The following ACSL3 variants were observed in gnomAD, a reference collection of about 807,000 sequenced individuals.
ACSL3 encodes fatty acid CoA ligase Acsl3.
Under a neutral mutation model 84.7 loss-of-function variants are expected in ACSL3, and 34 were observed. That is an observed-to-expected ratio of 0.40 (90% CI 0.31 to 0.53). The LOEUF (loss-of-function observed/expected upper bound fraction) is 0.53. Ranked by LOEUF, ACSL3 falls within the 20% of genes least tolerant of loss-of-function variation. The pLI, the probability that ACSL3 is intolerant of heterozygous loss-of-function variation, is 0.48. For missense variants in ACSL3, 680 were observed against 873.1 expected, an observed-to-expected ratio of 0.78 and a Z score of 2.79; for synonymous variants, 315 against 299.4, an observed-to-expected ratio of 1.05 and a Z score of -0.54.
chr2:222,901,218 A>G (rs910061385), intron 3 of ACSL3, among the ~76,000 whole-genome samples: 4 of 152,244 alleles, frequency 2.6e-5, no homozygotes, highest in East Asian at 1.9e-4. Flanking sequence ...CCTTTAGGTT[A>G]TATGATCAAT....
chr2:222,901,771 C>A (rs1349594680), intron 3 of ACSL3, among the ~76,000 whole-genome samples: 1 of 151,812 alleles, frequency 6.6e-6, no homozygotes, highest in Non-Finnish European at 1.5e-5. Flanking sequence ...ATGGTGAAAC[C>A]CCATCTTTAC....
chr2:222,924,622 T>G, intron 11 of ACSL3, 27 bp downstream of exon 11: 1 of 1,560,542 alleles, frequency 6.4e-7, no homozygotes, highest in Non-Finnish European at 8.7e-7. Flanking sequence ...TACCTCCTTC[T>G]TTCTCCTCTT....
At chr2:222,867,937 G>T (rs953760108) in intron 1 of ACSL3, among the ~76,000 whole-genome samples, 18 of 149,394 alleles carry the variant, frequency 1.2e-4, no homozygotes, top group Admixed American at 2.0e-4. Context: ...ACTTTTCCTC[G>T]AAGGCTCTTT....
At chr2:222,892,571 A>G (rs527920590) in intron 2 of ACSL3, among the ~76,000 whole-genome samples, 17 of 152,160 alleles carry the variant, frequency 1.1e-4, no homozygotes, top group Non-Finnish European at 2.4e-4. Flanking sequence ...TGCGTCATTC[A>G]TCTGGGACTC....
chr2:222,896,120 A>C (rs1430169546), intron 2 of ACSL3, among the ~76,000 whole-genome samples: 3 of 6,594 alleles, frequency 4.5e-4, no homozygotes, highest in African/African-American at 1.6e-3. Context: ...TGACCCCCCC[A>C]CCTCCCTCCC....
chr2:222,866,959 C>T (rs989406417), intron 1 of ACSL3, among the ~76,000 whole-genome samples: 1 of 151,574 alleles, frequency 6.6e-6, no homozygotes, highest in Admixed American at 6.6e-5. Flanking sequence ...CGCAGCCTCC[C>T]GAGGAGCTGG....
intron 3 of ACSL3, among the ~76,000 whole-genome samples, chr2:222,904,057 C>T (rs1696228995): frequency 6.6e-6 from 1 of 152,130 alleles, no homozygotes; most frequent in African/African-American, 2.4e-5. Flanking sequence ...GGCGGATCAC[C>T]TGAGGTCAGG....
At chr2:222,909,921 TG>T (rs11357504) in intron 4 of ACSL3, among the ~76,000 whole-genome samples, 76,402 of 151,940 alleles carry the variant, frequency 0.5, 19,740 homozygotes, top group East Asian at 0.76. Flanking sequence ...CACAGATAGT[TG>T]AGGTAACCTA....
Position 222,918,072 on chromosome 2 carries a change from G to A in ACSL3, c.583G>A (p.Gly195Ser). 1 of 1,611,796 alleles carries A rather than the reference G, an allele frequency of 6.2e-7. No homozygotes were observed. Among genetic ancestry groups the A allele is most frequent in the South Asian group, 1.1e-5 (1 of 90,812 alleles). Residue 195 changes from glycine to serine, a missense_variant, in exon 6 of 17, where the codon GGT (glycine) becomes AGT (serine). Transcript: ENST00000357430. Reference protein sequence around the residue: ...QLVTLYATLGGPAIVHALNET... With the variant: ...QLVTLYATLGSPAIVHALNET... The stretch of plus-strand genomic sequence containing the variant: ...TGTTACATTATATGCCACTCTAGGA[G>A]GTCCAGCCATTGTTCATGCATTAAA...
chr2:222,935,951 T>G (rs1697159509), intron 16 of ACSL3, among the ~76,000 whole-genome samples: 1 of 152,192 alleles, frequency 6.6e-6, no homozygotes, highest in African/African-American at 2.4e-5. Context: ...TCCCTCCACC[T>G]TTTTACTTTA....
chr2:222,878,114 C>G (rs965624879), intron 1 of ACSL3, among the ~76,000 whole-genome samples: 6 of 152,164 alleles, frequency 3.9e-5, no homozygotes, highest in African/African-American at 1.4e-4. Flanking sequence ...ATGAATCAGT[C>G]TCTGCATCCC....
At chr2:222,933,954 G>A (rs961872199) in intron 15 of ACSL3, among the ~76,000 whole-genome samples, 2 of 152,174 alleles carry the variant, frequency 1.3e-5, no homozygotes, top group Admixed American at 6.5e-5. Flanking sequence ...TGATGATACA[G>A]ATCTGGATTT....
intron 3 of ACSL3, among the ~76,000 whole-genome samples, chr2:222,905,903 T>C (rs748943260): frequency 6.6e-6 from 1 of 152,160 alleles, no homozygotes; most frequent in Non-Finnish European, 1.5e-5. Flanking sequence ...ATTCAGTCTT[T>C]TAGTTCTTTG....
At chr2:222,875,508 C>T (rs1695423607) in intron 1 of ACSL3, among the ~76,000 whole-genome samples, 1 of 152,136 alleles carries the variant, frequency 6.6e-6, no homozygotes, top group South Asian at 2.1e-4. Context: ...ATATCCCATT[C>T]TGTATTCCTT....
rs1387779905 is a variant in ACSL3 at position 222,861,060 on chromosome 2, C to G, written c.-405C>G. On this transcript the variant is annotated 5_prime_UTR_variant, in exon 1 of 17. Coordinates refer to ENST00000357430, the MANE Select transcript of ACSL3 (RefSeq NM_004457.5). ...CAGACGCTGCTGTGGCTGCGCCGGG[C>G]TGCGACACTGCAGTTGTCTACGCGG... The G allele has an allele frequency of 6.6e-6, 1 of 152,328 alleles. No individual in the cohort carries two copies. Among genetic ancestry groups the G allele is most frequent in the Admixed American group, 6.5e-5 (1 of 15,292 alleles). 9.4% of individuals were successfully genotyped at this position (152,328 alleles called of 1,614,324 possible). A position where few individuals can be genotyped will look rare whatever the true frequency, so the allele number is the denominator to read the frequency against.
chr2:222,921,296 C>A lies in ACSL3; in HGVS notation c.822C>A (p.Ser274Arg). 1 of 1,595,080 alleles carries A rather than the reference C, an allele frequency of 6.3e-7. No individual in the cohort carries two copies. Among genetic ancestry groups the A allele is most frequent in the Non-Finnish European group, 8.6e-7 (1 of 1,164,414 alleles). Reference sequence around the variant, plus strand: ...TCAATGCAGAAAACCAACCTCATAGCAAACCATTGCCCTCAGATATTGCAG... The same window carrying A: ...TCAATGCAGAAAACCAACCTCATAGAAAACCATTGCCCTCAGATATTGCAG... ...AKASMENQPH[S>R]KPLPSDIAVI... is the part of the protein sequence containing the mutation. The change falls in exon 8 of 17, where the codon AGC (serine) becomes AGA (arginine). Residue 274 changes from serine (S) to arginine (R), a missense_variant. Ser to Arg is a moderately radical substitution (Grantham distance 110, BLOSUM62 -1). Transcript: ENST00000357430.
At chr2:222,874,566 G>T (rs2106087491) in intron 1 of ACSL3, among the ~76,000 whole-genome samples, 1 of 151,766 alleles carries the variant, frequency 6.6e-6, no homozygotes, top group Non-Finnish European at 1.5e-5. Context: ...GGGTGCTGTG[G>T]TTCCGGCTGC....
intron 1 of ACSL3, among the ~76,000 whole-genome samples, chr2:222,876,602 A>G (rs148134659): frequency 6.6e-6 from 1 of 152,330 alleles, no homozygotes; most frequent in East Asian, 1.9e-4. Flanking sequence ...GATTACAGGC[A>G]TGAGCAACCA....
At position 222,943,056 on chromosome 2, in the gene ACSL3, A is replaced by G; in HGVS notation, c.*1402A>G. On this transcript the variant is annotated 3_prime_UTR_variant, in exon 17 of 17. Transcript: ENST00000357430. The stretch of plus-strand genomic sequence containing the variant: ...CAGACTAGTTACTTTGTTGATTCTC[A>G]GTTACTGTAGGCATCAAAAGGCAAA... 1 of 219,822 alleles carries G rather than the reference A, an allele frequency of 4.5e-6. No homozygotes were observed. Among genetic ancestry groups the G allele is most frequent in the African/African-American group, 2.3e-5 (1 of 44,176 alleles). The allele number at this position is 219,822 out of a possible 1,614,324, so 13.6% of individuals were successfully genotyped here.
Sources: allele counts gnomAD v4.1 joint callset (sites outside exome capture counted in the v4.1 genomes callset), GRCh38; gene constraint gnomAD v4.1.1; transcripts MANE v1.5; gene names NCBI Gene and HGNC (gene_info 2026-07-23, HGNC 2026-07-21).